The following DENND1B variants were observed in gnomAD, a reference collection of about 807,000 sequenced individuals.
DENND1B encodes the protein DENN domain-containing protein 1B.
In DENND1B, 59 loss-of-function variants were observed where a neutral mutation model predicts 90.1. That is an observed-to-expected ratio of 0.65 (90% CI 0.53 to 0.81). DENND1B has a LOEUF of 0.81. Among genes scored for constraint, DENND1B ranks in the 40% least tolerant of loss-of-function variants. DENND1B has a pLI of 0.00. For missense variants in DENND1B, 862 were observed against 912.6 expected, an observed-to-expected ratio of 0.94 and a Z score of 0.71; for synonymous variants, 337 against 324.6, an observed-to-expected ratio of 1.04 and a Z score of -0.41.
intron 3 of DENND1B, among the ~76,000 whole-genome samples, chr1:197,702,526 T>A (rs1435598214): frequency 6.6e-6 from 1 of 152,184 alleles, no homozygotes; most frequent in Non-Finnish European, 1.5e-5. Context: ...TCCAAAATCT[T>A]TAGGTAACCA....
At chr1:197,521,282 A>G (rs1668756757) in intron 20 of DENND1B, among the ~76,000 whole-genome samples, 1 of 151,782 alleles carries the variant, frequency 6.6e-6, no homozygotes, top group Non-Finnish European at 1.5e-5. Flanking sequence ...GATGAAAATC[A>G]CTCCCCTGAT....
intron 3 of DENND1B, among the ~76,000 whole-genome samples, chr1:197,684,441 T>G (rs1014404318): frequency 6.6e-6 from 1 of 152,240 alleles, no homozygotes; most frequent in African/African-American, 2.4e-5. Context: ...TGCCTAAATG[T>G]GATGCCTCCT....
intron 3 of DENND1B, among the ~76,000 whole-genome samples, chr1:197,691,057 C>T (rs540987714): frequency 1.1e-3 from 160 of 151,944 alleles, no homozygotes; most frequent in Non-Finnish European, 1.7e-3. Flanking sequence ...ATATATGATA[C>T]GGATGTTTAT....
chr1:197,572,370 G>A (rs1045983441), intron 15 of DENND1B, among the ~76,000 whole-genome samples: 1 of 152,270 alleles, frequency 6.6e-6, no homozygotes, highest in African/African-American at 2.4e-5. Context: ...GGAGAGGGGC[G>A]TCCGCCATTG....
At chr1:197,512,202 T>C (rs1028463730) in intron 21 of DENND1B, among the ~76,000 whole-genome samples, 1 of 151,770 alleles carries the variant, frequency 6.6e-6, no homozygotes, top group African/African-American at 2.4e-5. Flanking sequence ...TTTAATTCTG[T>C]GGAATTTGGG....
chr1:197,662,583 CTT>C (rs1654522798), intron 5 of DENND1B, among the ~76,000 whole-genome samples: 1 of 151,912 alleles, frequency 6.6e-6, no homozygotes, highest in Admixed American at 6.6e-5. Context: ...AAAATATATA[CTT>C]TAAGTTCTAG....
At chr1:197,684,380 A>G (rs1265566618) in intron 3 of DENND1B, among the ~76,000 whole-genome samples, 1 of 152,188 alleles carries the variant, frequency 6.6e-6, no homozygotes, top group Non-Finnish European at 1.5e-5. Context: ...CCCCAACCCT[A>G]TGTATTTTTT....
intron 15 of DENND1B, among the ~76,000 whole-genome samples, chr1:197,577,528 C>G (rs1185007768): frequency 6.6e-6 from 1 of 152,028 alleles, no homozygotes; most frequent in Non-Finnish European, 1.5e-5. Flanking sequence ...TGGTCCTTAG[C>G]CATGGTGAAT....
chr1:197,735,133 T>C, intron 2 of DENND1B: 11 of 968,162 alleles, frequency 1.1e-5, no homozygotes, highest in Non-Finnish European at 1.2e-5. Context: ...ATCTATATTA[T>C]ATATGAATAA....
chr1:197,577,419 T>TG (rs1475046283), intron 15 of DENND1B, among the ~76,000 whole-genome samples: 1 of 152,100 alleles, frequency 6.6e-6, no homozygotes, highest in Admixed American at 6.6e-5. Context: ...TCTTCTGCCA[T>TG]GGGGGGCACT....
At chr1:197,678,105 G>C (rs1656278643) in intron 3 of DENND1B, among the ~76,000 whole-genome samples, 1 of 152,124 alleles carries the variant, frequency 6.6e-6, no homozygotes, top group African/African-American at 2.4e-5. Flanking sequence ...CTAATCCCTG[G>C]CAAGGGAAAT....
At chr1:197,687,248 C>A (rs947454731) in intron 3 of DENND1B, among the ~76,000 whole-genome samples, 70 of 152,246 alleles carry the variant, frequency 4.6e-4, no homozygotes, top group African/African-American at 1.6e-3. Context: ...AATAAGATAA[C>A]AACTAATAGC....
intron 2 of DENND1B, chr1:197,734,578 TC>T (rs1662461183): frequency 1.0e-6 from 1 of 981,886 alleles, no homozygotes; most frequent in African/African-American, 1.7e-5. Flanking sequence ...TCTTTTTCCT[TC>T]TTTCAAAATT....
intron 20 of DENND1B, among the ~76,000 whole-genome samples, chr1:197,529,438 G>C (rs1291212150): frequency 6.6e-6 from 1 of 151,204 alleles, no homozygotes; most frequent in Non-Finnish European, 1.5e-5. Context: ...ACAACAAAAA[G>C]CTTCAGTCCC....
At chr1:197,694,905 A>T (rs1658274519) in intron 3 of DENND1B, among the ~76,000 whole-genome samples, 1 of 151,334 alleles carries the variant, frequency 6.6e-6, no homozygotes, top group Non-Finnish European at 1.5e-5. Context: ...GGGTTTTCAA[A>T]TACAATTTTA....
chr1:197,529,332 A>ATGTG (rs145161367), intron 20 of DENND1B, among the ~76,000 whole-genome samples: 4 of 143,494 alleles, frequency 2.8e-5, no homozygotes, highest in South Asian at 4.4e-4. Context: ...GTGTATATAT[A>ATGTG]TGTGTGTGTG....
rs760132058 is a variant in DENND1B, at chr1:197,674,179, G to C, written c.127-10C>G. On this transcript the variant is annotated splice_polypyrimidine_tract_variant and intron_variant, in intron 3 of 22. Transcript: ENST00000620048. ...CACTCTGTAGTATTTCCTACAAATG[G>C]AAATTTCAAAAAAAAGAAATAAGTT... is the stretch of plus-strand genomic sequence containing the variant. The C allele has an allele frequency of 6.3e-7, 1 of 1,575,976 alleles. No individual in the cohort carries two copies. The highest frequency in any genetic ancestry group is 2.3e-5 in the East Asian group (1 of 44,316).
intron 6 of DENND1B, among the ~76,000 whole-genome samples, chr1:197,656,430 C>T (rs958890904): frequency 6.6e-6 from 1 of 151,928 alleles, no homozygotes; most frequent in Non-Finnish European, 1.5e-5. Flanking sequence ...AATTAATAGA[C>T]AATAGACAAT....
chr1:197,601,717 G>C (rs544555767), intron 13 of DENND1B, among the ~76,000 whole-genome samples: 1 of 151,358 alleles, frequency 6.6e-6, no homozygotes, highest in African/African-American at 2.4e-5. Flanking sequence ...CATAAAGGGG[G>C]GTATTACCAA....
Sources: gnomAD v4.1 joint callset for allele counts (sites outside exome capture counted in the v4.1 genomes callset) on GRCh38, gnomAD v4.1.1 for gene constraint, MANE v1.5 for transcripts, NCBI Gene and HGNC (gene_info 2026-07-23, HGNC 2026-07-21) for gene names.